TEX10: variants seen among roughly 807,000 people sequenced by gnomAD.
TEX10 encodes the protein testis expressed 10.
A neutral mutation model predicts 104.4 loss-of-function variants in TEX10; 24 were observed. That is an observed-to-expected ratio of 0.23 (90% CI 0.17 to 0.32). The LOEUF is 0.32. Ranked by LOEUF, TEX10 falls within the 10% of genes least tolerant of loss-of-function variation. The pLI is 1.00. For synonymous variants in TEX10, 396 were observed against 393.4 expected, an observed-to-expected ratio of 1.01 and a Z score of -0.08; for missense variants, 921 against 1,083.9, an observed-to-expected ratio of 0.85 and a Z score of 2.11.
intron 6 of TEX10, 43 bp downstream of exon 6, chr9:100,329,888 T>A (rs1462303480): frequency 6.7e-7 from 1 of 1,494,474 alleles, no homozygotes; most frequent in Admixed American, 1.9e-5. Flanking sequence ...ATAGCACATG[T>A]AAGAGCTCCA....
chr9:100,344,849 A>G (rs568897359), intron 4 of TEX10, among the ~76,000 whole-genome samples: 1 of 152,324 alleles, frequency 6.6e-6, no homozygotes, highest in East Asian at 1.9e-4. Context: ...TATGTCTCAA[A>G]AATAAAAAGA....
intron 11 of TEX10, among the ~76,000 whole-genome samples, chr9:100,315,304 G>C (rs1027123618): frequency 6.6e-6 from 1 of 152,064 alleles, no homozygotes; most frequent in Non-Finnish European, 1.5e-5. Flanking sequence ...TAAGTCTGAT[G>C]TTTCTTTGTA....
chr9:100,309,944 G>A (rs974964044), intron 12 of TEX10, among the ~76,000 whole-genome samples: 4 of 152,148 alleles, frequency 2.6e-5, no homozygotes, highest in Admixed American at 6.5e-5. Context: ...AACCTTCTAG[G>A]TGGAACCCAG....
intron 5 of TEX10, among the ~76,000 whole-genome samples, chr9:100,333,636 T>TAAAA (rs60509628): frequency 9.1e-6 from 1 of 109,758 alleles, no homozygotes; most frequent in African/African-American, 3.3e-5. Context: ...GACCCCATCA[T>TAAAA]AAAAAAAAAA....
At chr9:100,304,263 G>T in intron 13 of TEX10, 1 of 219,824 alleles carries the variant, frequency 4.5e-6, no homozygotes, top group Non-Finnish European at 9.2e-6. Context: ...AAATTCACAT[G>T]GAACCAAAAA....
At chr9:100,352,470 G>A in intron 1 of TEX10, 1 of 1,551,664 alleles carries the variant, frequency 6.4e-7, no homozygotes, top group South Asian at 1.2e-5. Flanking sequence ...CGCCGGCCAG[G>A]ACCAGAGTCG....
chr9:100,327,871 G>C lies in TEX10; in HGVS notation c.1717C>G (p.Leu573Val). 6.8e-6 allele frequency: 11 copies of C among 1,609,322 alleles called. No individual in the cohort carries two copies. Among genetic ancestry groups the C allele is most frequent in the Non-Finnish European group, 8.5e-6 (10 of 1,176,718 alleles). ...GSRNPELSTQ[L>V]IDIIHTAAAR... ...GCAGCGGTATGAATGATATCGATAA[G>C]CTGTGTAGAGAGCTCAGGATTTCGG... Residue 573 changes from leucine (L) to valine (V), a missense_variant, in exon 8 of 15, where the codon CTT becomes GTT. Coordinates refer to ENST00000374902, the MANE Select transcript of TEX10 (RefSeq NM_017746.4).
intron 11 of TEX10, among the ~76,000 whole-genome samples, chr9:100,315,961 A>AAC (rs1396023639): frequency 6.6e-6 from 1 of 152,224 alleles, no homozygotes; most frequent in East Asian, 1.9e-4. Flanking sequence ...TAGGCTTGGA[A>AAC]AGTTTTCATC....
chr9:100,350,712 C>A (rs899057181), intron 1 of TEX10, among the ~76,000 whole-genome samples: 2 of 152,162 alleles, frequency 1.3e-5, no homozygotes, highest in Non-Finnish European at 2.9e-5. Flanking sequence ...ACGAAAGTTT[C>A]CTTTATTACA....
intron 1 of TEX10, among the ~76,000 whole-genome samples, chr9:100,349,717 T>G (rs2118943562): frequency 6.6e-6 from 1 of 152,250 alleles, no homozygotes; most frequent in South Asian, 2.1e-4. Context: ...TTCCTAGAGA[T>G]GTAACTTGTA....
chr9:100,351,954 T>C (rs1380793575), intron 1 of TEX10, among the ~76,000 whole-genome samples: 1 of 152,202 alleles, frequency 6.6e-6, no homozygotes, highest in East Asian at 1.9e-4. Flanking sequence ...CTCACATCAC[T>C]AGTCCTTAGG....
chr9:100,320,351 G>A lies in TEX10; in HGVS notation c.2116C>T (p.Pro706Ser), dbSNP rs1834535493. ...GAAAGCTGTGTCTGGATGACATGAG[G>A]AACTCCTCGAAGGCTCTGAAGCCAA... ...LTWLQSLRGV[P>S]HVIQTQLSPV... Residue 706 changes from proline to serine, a missense_variant, in exon 11 of 15, where the codon CCT (proline) becomes TCT (serine). Physicochemically the swap from Pro to Ser is moderately conservative, Grantham distance 74 (BLOSUM62 -1). Transcript: ENST00000374902. 1.2e-6 allele frequency: 2 copies of A among 1,612,770 alleles called. No homozygotes were observed. Among genetic ancestry groups the A allele is most frequent in the Non-Finnish European group, 1.7e-6 (2 of 1,179,244 alleles).
chr9:100,306,515 C>T (rs542360985), intron 13 of TEX10: 1 of 152,304 alleles, frequency 6.6e-6, no homozygotes, highest in African/African-American at 2.4e-5. Context: ...GACAATAGAA[C>T]AGTATCTTCA....
At chr9:100,351,391 G>T (rs1311339960) in intron 1 of TEX10, among the ~76,000 whole-genome samples, 1 of 54,214 alleles carries the variant, frequency 1.8e-5, no homozygotes, top group Admixed American at 1.8e-4. Flanking sequence ...AAAAAAAAAA[G>T]CTGGGGGTCG....
intron 9 of TEX10, among the ~76,000 whole-genome samples, chr9:100,324,237 T>C (rs1238064491): frequency 6.6e-6 from 1 of 152,118 alleles, no homozygotes; most frequent in Admixed American, 6.6e-5. Flanking sequence ...TTCACCACGT[T>C]GGCCAGGCTG....
intron 5 of TEX10, among the ~76,000 whole-genome samples, chr9:100,335,461 A>C (rs904683896): frequency 1.3e-5 from 2 of 152,074 alleles, no homozygotes; most frequent in African/African-American, 2.4e-5. Flanking sequence ...CAGCCTCCCA[A>C]AAGTGCTGGG....
chr9:100,347,483 T>A, intron 2 of TEX10, 77 bp from the exon 3 acceptor site: 1 of 1,149,650 alleles, frequency 8.7e-7, no homozygotes, highest in East Asian at 2.5e-5. Context: ...TAACTAACAC[T>A]ACACTAGTAA....
chr9:100,331,871 A>G (rs1046407951), intron 5 of TEX10, among the ~76,000 whole-genome samples: 3 of 152,266 alleles, frequency 2.0e-5, no homozygotes, highest in African/African-American at 7.2e-5. Flanking sequence ...GAGAGCATTT[A>G]CAAAGAAGAA....
rs777137438 is a variant in TEX10, at chr9:100,327,957, C to T, written c.1631G>A (p.Arg544His). Residue 544 changes from arginine to histidine, a missense_variant, in exon 8 of 15, where the codon CGT becomes CAT. Physicochemically the swap from Arg to His is conservative, Grantham distance 29. Coordinates refer to ENST00000374902, the MANE Select transcript of TEX10 (RefSeq NM_017746.4). ...EELRSCRFRY[R>H]SKVLSRWLAG... ...CAGCCAACGGGATAACACTTTACTACGATATCTTAGAAAGGCCAAAGAAGA... is the reference window on the plus strand; with the variant it reads ...CAGCCAACGGGATAACACTTTACTATGATATCTTAGAAAGGCCAAAGAAGA... The T allele has an allele frequency of 9.0e-6, 14 of 1,553,138 alleles. No homozygotes were observed. The highest frequency in any genetic ancestry group is 8.5e-5 in the Admixed American group (5 of 58,482).
Sources: gnomAD v4.1 joint callset for allele counts (sites outside exome capture counted in the v4.1 genomes callset) on GRCh38, gnomAD v4.1.1 for gene constraint, MANE v1.5 for transcripts, NCBI Gene and HGNC (gene_info 2026-07-23, HGNC 2026-07-21) for gene names.